Variants in FIP1L1 observed in about 807,000 individuals in gnomAD.
FIP1L1 encodes the protein factor interacting with PAPOLA and CPSF1.
In FIP1L1, 21 loss-of-function variants were observed where a neutral mutation model predicts 84.6. The ratio of observed to expected loss-of-function variants is 0.25; its 90% CI spans 0.18 to 0.36. The LOEUF is 0.36. Ranked by LOEUF, FIP1L1 falls within the 10% of genes least tolerant of loss-of-function variation. The probability of loss-of-function intolerance (pLI) is 1.00; values close to 1 mark genes in which losing one functional copy is unlikely to be tolerated. For synonymous variants in FIP1L1, 263 were observed against 242.3 expected (o/e 1.09, Z -0.80); for missense variants, 526 against 751.1 (o/e 0.70, Z 3.50).
intron 10 of FIP1L1, among the ~76,000 whole-genome samples, chr4:53,401,607 A>G (rs1469016403): frequency 5.3e-5 from 8 of 152,194 alleles, no homozygotes; most frequent in Non-Finnish European, 1.0e-4. Flanking sequence ...GCCTATCTTG[A>G]TGGATTGGAT....
chr4:53,406,888 A>T (rs1207281694), intron 10 of FIP1L1, among the ~76,000 whole-genome samples: 1 of 150,958 alleles, frequency 6.6e-6, no homozygotes. Flanking sequence ...TGTGTATTTG[A>T]TTCTTTTCTC....
chr4:53,407,707 G>C (rs1425293529), intron 10 of FIP1L1, among the ~76,000 whole-genome samples: 1 of 152,096 alleles, frequency 6.6e-6, no homozygotes, highest in African/African-American at 2.4e-5. Context: ...ATTTAGGATA[G>C]TTAGCTCTTC....
chr4:53,447,406 G>A (rs747293392), intron 15 of FIP1L1, among the ~76,000 whole-genome samples: 4 of 151,986 alleles, frequency 2.6e-5, no homozygotes, highest in Non-Finnish European at 5.9e-5. Flanking sequence ...ATATTAGTGC[G>A]TCTTTCTAAG....
intron 5 of FIP1L1, among the ~76,000 whole-genome samples, chr4:53,387,181 T>C (rs1741544216): frequency 1.3e-5 from 2 of 152,124 alleles, no homozygotes; most frequent in Admixed American, 1.3e-4. Context: ...AACAGAAATA[T>C]AGTCAGGCAT....
chr4:53,427,440 T>G (rs1364000860), intron 12 of FIP1L1, among the ~76,000 whole-genome samples: 5 of 152,210 alleles, frequency 3.3e-5, no homozygotes, highest in Admixed American at 2.6e-4. Context: ...AACATTGCTT[T>G]ATTTTTCAAG....
chr4:53,403,791 T>C (rs545641375), intron 10 of FIP1L1, among the ~76,000 whole-genome samples: 5 of 152,204 alleles, frequency 3.3e-5, no homozygotes, highest in African/African-American at 1.2e-4. Flanking sequence ...GCTGCAGGCA[T>C]TGCAGTTTTT....
chr4:53,406,930 A>G (rs937867294), intron 10 of FIP1L1, among the ~76,000 whole-genome samples: 8 of 152,058 alleles, frequency 5.3e-5, no homozygotes, highest in African/African-American at 1.7e-4. Context: ...CTAGCAGTCT[A>G]TCAATTTTGT....
In FIP1L1 at chr4:53,425,942, G is replaced by A. The variant is rs762280564; in HGVS notation, c.994G>A (p.Ala332Thr). The stretch of plus-strand genomic sequence containing the variant: ...CAGCCGAGTAGAAGGCAGGCGACGG[G>A]CAAATGAGAACAGCAACATACAGGT... ...TISRVEGRRR[A>T]NENSNIQVLS... The change falls in exon 12 of 18, where the codon GCA becomes ACA. Residue 332 changes from alanine to threonine, a missense_variant. Physicochemically the swap from Ala to Thr is moderately conservative, Grantham distance 58. Transcript: ENST00000337488. 5.0e-6 allele frequency: 8 copies of A among 1,611,542 alleles called. No individual in the cohort carries two copies. Among genetic ancestry groups the A allele is most frequent in the Non-Finnish European group, 6.8e-6 (8 of 1,178,258 alleles).
intron 15 of FIP1L1, among the ~76,000 whole-genome samples, chr4:53,447,947 A>T (rs1774901247): frequency 6.6e-6 from 1 of 152,038 alleles, no homozygotes; most frequent in Non-Finnish European, 1.5e-5. Flanking sequence ...GCTCTCAGAA[A>T]ACTCTGGATT....
intron 11 of FIP1L1, among the ~76,000 whole-genome samples, chr4:53,422,688 A>G (rs894684255): frequency 6.6e-6 from 1 of 151,460 alleles, no homozygotes; most frequent in African/African-American, 2.4e-5. Flanking sequence ...TCCAAGAAAA[A>G]GCAGCTGAGA....
At chr4:53,445,262 G>A (rs1773701006) in intron 15 of FIP1L1, among the ~76,000 whole-genome samples, 1 of 152,122 alleles carries the variant, frequency 6.6e-6, no homozygotes, top group African/African-American at 2.4e-5. Context: ...GGCTAGTTAC[G>A]ATGAGGAAGT....
At chr4:53,423,936 A>G (rs1399251233) in intron 11 of FIP1L1, among the ~76,000 whole-genome samples, 1 of 152,220 alleles carries the variant, frequency 6.6e-6, no homozygotes, top group Non-Finnish European at 1.5e-5. Flanking sequence ...AGAGATCCTC[A>G]GAAATAAATG....
chr4:53,443,210 A>G (rs1560574074), intron 14 of FIP1L1, among the ~76,000 whole-genome samples: 1 of 152,150 alleles, frequency 6.6e-6, no homozygotes, highest in Non-Finnish European at 1.5e-5. Context: ...TATGCTAACT[A>G]GAACGCTGTA....
At chr4:53,414,468 C>G in intron 10 of FIP1L1, 147 bp from the exon 11 acceptor site, 1 of 527,466 alleles carries the variant, frequency 1.9e-6, no homozygotes, top group African/African-American at 2.0e-5. Flanking sequence ...AGTACCACAG[C>G]AAGTAGTTTA....
intron 11 of FIP1L1, among the ~76,000 whole-genome samples, chr4:53,419,294 C>G (rs1437441391): frequency 6.6e-6 from 1 of 151,912 alleles, no homozygotes; most frequent in Non-Finnish European, 1.5e-5. Flanking sequence ...AATTCAGACC[C>G]CAGAAAATTA....
At chr4:53,386,086 T>C (rs1184343430) in intron 5 of FIP1L1, among the ~76,000 whole-genome samples, 6 of 151,852 alleles carry the variant, frequency 4.0e-5, no homozygotes, top group Admixed American at 6.6e-5. Context: ...GTTCATTTTA[T>C]ATGTAAGTAA....
intron 9 of FIP1L1, among the ~76,000 whole-genome samples, chr4:53,395,491 G>T (rs1485310784): frequency 6.6e-6 from 1 of 152,070 alleles, no homozygotes; most frequent in Admixed American, 6.6e-5. Flanking sequence ...GGGAAGGGGA[G>T]GTCACCATAA....
At chr4:53,455,612 C>T (rs1395203765) in intron 16 of FIP1L1, among the ~76,000 whole-genome samples, 1 of 152,012 alleles carries the variant, frequency 6.6e-6, no homozygotes, top group Non-Finnish European at 1.5e-5. Context: ...TATGGTACCC[C>T]TAAACAGTTA....
intron 7 of FIP1L1, 140 bp from the exon 8 acceptor site, chr4:53,390,869 A>G (rs962829726): frequency 1.8e-5 from 13 of 735,304 alleles, no homozygotes; most frequent in Non-Finnish European, 2.8e-5. Context: ...CAAAAATGAT[A>G]TAGTCTTTTT....
Sources: allele counts gnomAD v4.1 joint callset (sites outside exome capture counted in the v4.1 genomes callset), GRCh38; gene constraint gnomAD v4.1.1; transcripts MANE v1.5; gene names NCBI Gene and HGNC (gene_info 2026-07-23, HGNC 2026-07-21).